ST7: variants seen among roughly 807,000 people sequenced by gnomAD.
ST7 encodes suppressor of tumorigenicity 7 protein.
In ST7, 28 loss-of-function variants were observed where a neutral mutation model predicts 78.7. That is an observed-to-expected ratio of 0.36 (90% CI 0.26 to 0.49). The LOEUF (loss-of-function observed/expected upper bound fraction) is 0.49. ST7 is among the 20% of genes least tolerant of loss of function. ST7 has a pLI of 0.99. For missense variants in ST7, 418 were observed against 696.0 expected (o/e 0.60, Z 4.49); for synonymous variants, 247 against 249.6 (o/e 0.99, Z 0.10).
chr7:117,083,649 A>G (rs959966276), intron 1 of ST7, among the ~76,000 whole-genome samples: 2 of 152,338 alleles, frequency 1.3e-5, no homozygotes, highest in African/African-American at 4.8e-5. Flanking sequence ...AAGCTATTAT[A>G]TATAAAATTA....
chr7:117,049,739 T>C (rs898227061), intron 1 of ST7, among the ~76,000 whole-genome samples: 1 of 152,234 alleles, frequency 6.6e-6, no homozygotes, highest in African/African-American at 2.4e-5. Flanking sequence ...CTCGAAGTGG[T>C]GGGCAACCAC....
chr7:117,028,457 C>G (rs73714375), intron 1 of ST7, among the ~76,000 whole-genome samples: 375 of 152,206 alleles, frequency 2.5e-3, no homozygotes, highest in African/African-American at 8.5e-3. Context: ...GTATTCTTTA[C>G]TACCTCCTCC....
intron 1 of ST7, among the ~76,000 whole-genome samples, chr7:116,967,748 C>T (rs1793200558): frequency 6.6e-6 from 1 of 152,188 alleles, no homozygotes; most frequent in Admixed American, 6.5e-5. Flanking sequence ...CTTGCTAGTG[C>T]TCAATACATT....
intron 1 of ST7, among the ~76,000 whole-genome samples, chr7:116,982,603 C>T (rs1382203461): frequency 6.6e-6 from 1 of 152,120 alleles, no homozygotes; most frequent in Non-Finnish European, 1.5e-5. Flanking sequence ...CCATGGGAGC[C>T]CCTTCAAGCT....
At chr7:117,158,735 ACT>A (rs754450521) in intron 9 of ST7, among the ~76,000 whole-genome samples, 63 of 152,178 alleles carry the variant, frequency 4.1e-4, no homozygotes, top group Admixed American at 8.5e-4. Context: ...GCCTCTGAGG[ACT>A]CTGGTAAACA....
chr7:117,162,159 C>T (rs1015412882), intron 9 of ST7, among the ~76,000 whole-genome samples: 4 of 152,028 alleles, frequency 2.6e-5, no homozygotes. Context: ...GAATAACAAT[C>T]ATTTGCCACT....
chr7:117,216,761 G>A (rs1792720308), intron 13 of ST7, among the ~76,000 whole-genome samples: 1 of 151,924 alleles, frequency 6.6e-6, no homozygotes, highest in Non-Finnish European at 1.5e-5. Context: ...GAAGCCAAAA[G>A]CCTTAATATT....
At chr7:117,148,153 C>T (rs79388326) in intron 9 of ST7, among the ~76,000 whole-genome samples, 7,355 of 152,110 alleles carry the variant, frequency 0.048, 596 homozygotes, top group African/African-American at 0.17. Context: ...GTTTATTAAT[C>T]TGTTTTTTGC....
At chr7:117,006,959 A>G (rs984706735) in intron 1 of ST7, among the ~76,000 whole-genome samples, 2 of 152,174 alleles carry the variant, frequency 1.3e-5, no homozygotes, top group East Asian at 1.9e-4. Flanking sequence ...TGGCTGCTCC[A>G]TTGACCTACC....
intron 1 of ST7, among the ~76,000 whole-genome samples, chr7:116,960,702 C>G (rs978543379): frequency 6.6e-6 from 1 of 152,132 alleles, no homozygotes; most frequent in African/African-American, 2.4e-5. Flanking sequence ...GTTTAAGTTC[C>G]TTATTGATGC....
chr7:117,209,942 G>C lies in ST7; in HGVS notation c.1405+5G>C. The C allele has an allele frequency of 6.2e-7, 1 of 1,602,304 alleles. No homozygotes were observed. Among genetic ancestry groups the C allele is most frequent in the Non-Finnish European group, 8.5e-7 (1 of 1,177,278 alleles). The stretch of plus-strand genomic sequence containing the variant: ...TGCATTGTACGTGGGAAGGCAGTAA[G>C]TAATTTTCTTTTTTTGAAACATTTT... On this transcript the variant is annotated splice_donor_5th_base_variant and intron_variant, in intron 13 of 15. Coordinates refer to ENST00000323984, the MANE Select transcript of ST7 (RefSeq NM_001369598.1).
intron 1 of ST7, among the ~76,000 whole-genome samples, chr7:117,029,414 C>T (rs998033915): frequency 1.3e-5 from 2 of 151,758 alleles, no homozygotes; most frequent in African/African-American, 4.8e-5. Context: ...TGTTCAAATC[C>T]TTTGCCTGTT....
At chr7:116,982,443 C>T (rs1385455383) in intron 1 of ST7, among the ~76,000 whole-genome samples, 3 of 152,094 alleles carry the variant, frequency 2.0e-5, no homozygotes, top group Admixed American at 6.5e-5. Context: ...AGGCTGGTCT[C>T]GAACTCCCAA....
chr7:117,048,176 G>A (rs1263218797), intron 1 of ST7, among the ~76,000 whole-genome samples: 2 of 152,138 alleles, frequency 1.3e-5, no homozygotes, highest in African/African-American at 4.8e-5. Context: ...AGGAGGAAAA[G>A]GAGGAGTTGA....
chr7:117,087,770 T>C (rs547904872), intron 1 of ST7, among the ~76,000 whole-genome samples: 1 of 152,298 alleles, frequency 6.6e-6, no homozygotes, highest in South Asian at 2.1e-4. Context: ...GCCCAGACTC[T>C]CGCCCTTTAT....
At chr7:117,151,419 G>T (rs1033185089) in intron 9 of ST7, among the ~76,000 whole-genome samples, 6 of 152,146 alleles carry the variant, frequency 3.9e-5, no homozygotes, top group Non-Finnish European at 8.8e-5. Context: ...GACTGATCCA[G>T]ATCCTCACTT....
At chr7:117,040,225 A>G (rs1009234522) in intron 1 of ST7, among the ~76,000 whole-genome samples, 1 of 152,086 alleles carries the variant, frequency 6.6e-6, no homozygotes, top group African/African-American at 2.4e-5. Flanking sequence ...TACAAAAGTT[A>G]GCCAGGCTTG....
chr7:117,197,005 T>C (rs1160812526), intron 12 of ST7, among the ~76,000 whole-genome samples: 1 of 152,168 alleles, frequency 6.6e-6, no homozygotes, highest in Non-Finnish European at 1.5e-5. Flanking sequence ...TGTTACATTT[T>C]GTTGAAGAGA....
At chr7:117,159,615 A>G (rs1174201935) in intron 9 of ST7, among the ~76,000 whole-genome samples, 3 of 152,210 alleles carry the variant, frequency 2.0e-5, no homozygotes, top group Non-Finnish European at 4.4e-5. Context: ...TGATATGGGG[A>G]CTGTGGTCTT....
Sources: gnomAD v4.1 joint callset for allele counts (sites outside exome capture counted in the v4.1 genomes callset) on GRCh38, gnomAD v4.1.1 for gene constraint, MANE v1.5 for transcripts, NCBI Gene and HGNC (gene_info 2026-07-23, HGNC 2026-07-21) for gene names.